The following SMTN variants were observed in gnomAD, a reference collection of about 807,000 sequenced individuals.
SMTN encodes the protein smoothelin.
Under a neutral mutation model 102.0 loss-of-function variants are expected in SMTN, and 58 were observed. That is an observed-to-expected ratio of 0.57 (90% CI 0.46 to 0.71). SMTN has a LOEUF of 0.71. Among genes scored for constraint, SMTN ranks in the 30% least tolerant of loss-of-function variants. SMTN has a pLI of 0.00. For synonymous variants in SMTN, 478 were observed against 497.9 expected (o/e 0.96, Z 0.53); for missense variants, 1,185 against 1,241.7 (o/e 0.95, Z 0.69).
chr22:31,078,603 T>A (rs1468816591), upstream of SMTN, among the ~76,000 whole-genome samples: 1 of 152,234 alleles, frequency 6.6e-6, no homozygotes, highest in Non-Finnish European at 1.5e-5. Flanking sequence ...CCACCCACAT[T>A]TCCTGCTCCG....
At position 31,098,687 on chromosome 22, in the gene SMTN, A is replaced by C; in HGVS notation, c.2180A>C (p.Gln727Pro). The C allele has an allele frequency of 6.2e-7, 1 of 1,613,514 alleles. No homozygotes were observed. Among genetic ancestry groups the C allele is most frequent in the Non-Finnish European group, 8.5e-7 (1 of 1,179,886 alleles). The change falls in exon 17 of 21, where the codon CAG becomes CCG. Residue 727 changes from glutamine to proline, a missense_variant. Physicochemically the swap from Gln to Pro is moderately conservative, Grantham distance 76 (BLOSUM62 -1). Coordinates refer to ENST00000333137, the MANE Select transcript of SMTN (RefSeq NM_134269.3). ...CCTAGCATCTTCGACCGCGAGGACC[A>C]GGCCAGCCCACGGGCCGGCAGCCTG... ...KMGSIFDREDQASPRAGSLAA... is the reference protein window; with the variant it reads ...KMGSIFDREDPASPRAGSLAA...
chr22:31,091,386 G>A lies in SMTN; in HGVS notation c.1363G>A (p.Gly455Ser). The A allele has an allele frequency of 6.3e-7, 1 of 1,598,562 alleles. No individual in the cohort carries two copies. The highest frequency in any genetic ancestry group is 8.5e-7 in the Non-Finnish European group (1 of 1,175,930). ...GGCCGTCGGCACTGCCGAGCCAGGG[G>A]GCAGTATGAAGACCACATTCACCAT... Reference protein sequence around the residue: ...PVAVGTAEPGGSMKTTFTIEI... With the variant: ...PVAVGTAEPGSSMKTTFTIEI... The change falls in exon 10 of 21, where the codon GGC becomes AGC. Residue 455 changes from glycine (G) to serine (S), a missense_variant. Coordinates refer to ENST00000333137, the MANE Select transcript of SMTN (RefSeq NM_134269.3).
At chr22:31,080,947 G>C (rs1388221495), upstream of SMTN, among the ~76,000 whole-genome samples, 4 of 152,146 alleles carry the variant, frequency 2.6e-5, no homozygotes, top group Non-Finnish European at 5.9e-5. Flanking sequence ...GGGTGGAGTC[G>C]AGGGAGGGGA....
intron 1 of SMTN, among the ~76,000 whole-genome samples, chr22:31,072,572 C>T (rs192787333): frequency 1.3e-5 from 2 of 152,242 alleles, no homozygotes; most frequent in African/African-American, 2.4e-5. Context: ...AACCATTTTC[C>T]TGCCTCAGCC....
chr22:31,078,494 C>T (rs879508646), upstream of SMTN, among the ~76,000 whole-genome samples: 1 of 152,240 alleles, frequency 6.6e-6, no homozygotes, highest in Non-Finnish European at 1.5e-5. Flanking sequence ...GTCTAATCAC[C>T]TCATTTTACA....
intron 1 of SMTN, among the ~76,000 whole-genome samples, chr22:31,073,032 T>TTTTTTTTTG (rs869214569): frequency 9.0e-6 from 1 of 110,522 alleles, no homozygotes; most frequent in African/African-American, 3.1e-5. Context: ...TTTTTTTTTT[T>TTTTTTTTTG]GAGACAGGGT....
intron 8 of SMTN, 46 bp downstream of exon 8, chr22:31,090,226 C>G (rs1338667879): frequency 7.4e-6 from 11 of 1,480,422 alleles, no homozygotes; most frequent in Non-Finnish European, 1.0e-5. Context: ...TCTTCCCCTC[C>G]CCCTGCCTCC....
intron 1 of SMTN, chr22:31,065,314 C>T (rs375451297): frequency 7.9e-5 from 12 of 152,104 alleles, no homozygotes; most frequent in African/African-American, 2.7e-4. Flanking sequence ...GATAATAAGA[C>T]CATGCAAAAA....
At chr22:31,104,155 GATGAAGCC>G (rs2044311595) in intron 20 of SMTN, 153 bp from the exon 21 acceptor site, 2 of 776,182 alleles carry the variant, frequency 2.6e-6, no homozygotes, top group African/African-American at 1.7e-5. Flanking sequence ...GGCTTGGGTA[GATGAAGCC>G]AGGGGCTTCC....
At chr22:31,101,124 G>T (rs35657209) in intron 20 of SMTN, 75 bp downstream of exon 20, 500,351 of 1,389,674 alleles carry the variant, frequency 0.36, 94,646 homozygotes, top group Middle Eastern at 0.45. Flanking sequence ...GGTCCAGGGA[G>T]GCGGGTGGGG....
At position 31,090,202 on chromosome 22, in the gene SMTN, G is replaced by A. The variant is rs1459249786; in HGVS notation, c.865+22G>A. ...GCAGGTGAGGGTCCCAGCAGGGGTA[G>A]TCACAGGCATCTTTCTTCCCCTCCC... On this transcript the variant is annotated intron_variant, in intron 8 of 20. Transcript: ENST00000333137. 6 of 1,582,824 alleles carry A rather than the reference G, an allele frequency of 3.8e-6. No individual in the cohort carries two copies. In the East Asian group the frequency reaches 8.9e-5, roughly 24 times the overall value.
rs1481682868 is a variant in SMTN at position 31,089,836 on chromosome 22, C to T, written c.609C>T (p.Ala203=). The change falls in exon 7 of 21, where the codon GCC becomes GCT. Residue 203 remains alanine, a synonymous_variant. Coordinates refer to ENST00000333137, the MANE Select transcript of SMTN (RefSeq NM_134269.3). ...CTGGGAGCACATCCAGCTCACCTGC[C>T]TCACCCAGCAGTTCACCCACCCCTG... ...APPGSTSSSP[A]SPSSSPTPAS... is the part of the protein sequence containing the mutation. 6.2e-7 allele frequency: 1 copy of T among 1,613,736 alleles called. No homozygotes were observed. Among genetic ancestry groups the T allele is most frequent in the African/African-American group, 1.3e-5 (1 of 74,902 alleles).
chr22:31,085,092 C>T (rs2042582293), intron 2 of SMTN: 2 of 1,534,792 alleles, frequency 1.3e-6, no homozygotes, highest in African/African-American at 2.7e-5. Context: ...ATGGGGACGC[C>T]TGGGGACTTG....
At chr22:31,077,538 C>T (rs1273128221), upstream of SMTN, among the ~76,000 whole-genome samples, 1 of 152,072 alleles carries the variant, frequency 6.6e-6, no homozygotes, top group Admixed American at 6.5e-5. Context: ...TGATCAGGAG[C>T]CAGTGTCCAA....
At chr22:31,093,838 C>A (rs369411059) in intron 11 of SMTN, 1 of 1,588,182 alleles carries the variant, frequency 6.3e-7, no homozygotes, top group Non-Finnish European at 8.5e-7. Context: ...CAGCACCCGC[C>A]GCCGCTCCTC....
Position 31,088,541 on chromosome 22 carries a change from G to A in SMTN, c.229G>A (p.Ala77Thr). 6.2e-7 allele frequency: 1 copy of A among 1,613,756 alleles called. No individual in the cohort carries two copies. Among genetic ancestry groups the A allele is most frequent in the Non-Finnish European group, 8.5e-7 (1 of 1,179,928 alleles). The change falls in exon 4 of 21, where the codon GCT becomes ACT. Residue 77 changes from alanine (A) to threonine (T), a missense_variant. Coordinates refer to ENST00000333137, the MANE Select transcript of SMTN (RefSeq NM_134269.3). The part of the protein sequence containing the change: ...HSQQREAEQR[A>T]ALARLAGQLE... ...TCAGCAGCGGGAAGCTGAGCAGCGGGCTGCCCTGGCACGGCTGGCAGGGCA... is the reference window on the plus strand; with the variant it reads ...TCAGCAGCGGGAAGCTGAGCAGCGGACTGCCCTGGCACGGCTGGCAGGGCA...
Position 31,090,149 on chromosome 22 carries a change from C to T in SMTN, c.834C>T (p.Pro278=), listed in dbSNP as rs1441979618. The T allele has an allele frequency of 1.9e-6, 3 of 1,612,298 alleles. No homozygotes were observed. The highest frequency in any genetic ancestry group is 2.5e-6 in the Non-Finnish European group (3 of 1,179,216). ...AAGAGACCCCTGCTGCCCAGAGCCC[C>T]ACCAGAGGCCCCTCTGACACCAAGA... ...GPKETPAAQS[P]TRGPSDTKRA... Residue 278 remains proline, a synonymous_variant, in exon 8 of 21, where the codon CCC becomes CCT. Coordinates refer to ENST00000333137, the MANE Select transcript of SMTN (RefSeq NM_134269.3).
intron 2 of SMTN, chr22:31,083,572 G>A (rs868819454): frequency 1.9e-5 from 7 of 369,240 alleles, no homozygotes; most frequent in South Asian, 1.6e-4. Flanking sequence ...CTGTAGACTC[G>A]CCCGTATGCA....
intron 2 of SMTN, 130 bp downstream of exon 2, chr22:31,083,439 A>T: frequency 2.6e-6 from 3 of 1,149,360 alleles, no homozygotes; most frequent in Non-Finnish European, 3.6e-6. Context: ...ACATGGGAAC[A>T]GGGGTAGGCC....
Sources: gnomAD v4.1 joint callset for allele counts (sites outside exome capture counted in the v4.1 genomes callset) on GRCh38, gnomAD v4.1.1 for gene constraint, MANE v1.5 for transcripts, NCBI Gene and HGNC (gene_info 2026-07-23, HGNC 2026-07-21) for gene names.